SPDYC: variants seen among roughly 807,000 people sequenced by gnomAD.
SPDYC encodes the protein speedy protein C.
SPDYC carries 25 observed loss-of-function variants against 33.9 expected under a neutral mutation model. The ratio of observed to expected loss-of-function variants is 0.74; its 90% CI spans 0.54 to 1.03. The LOEUF is 1.03. SPDYC is among the 50% of genes least tolerant of loss of function. The pLI is 0.00. For synonymous variants in SPDYC, 133 were observed against 140.2 expected (o/e 0.95, Z 0.36); for missense variants, 349 against 382.9 (o/e 0.91, Z 0.74).
At chr11:65,171,868 T>C (rs1948438610) in intron 2 of SPDYC, 75 bp from the exon 3 acceptor site, 2 of 1,374,238 alleles carry the variant, frequency 1.5e-6, no homozygotes, top group Non-Finnish European at 2.1e-6. Flanking sequence ...GGCTTGGGCT[T>C]TGGAGCTTCT....
intron 1 of SPDYC, 58 bp from the exon 2 acceptor site, chr11:65,171,269 C>G (rs558909415): frequency 6.4e-7 from 1 of 1,553,394 alleles, no homozygotes; most frequent in Non-Finnish European, 8.7e-7. Context: ...TCACCACCCT[C>G]TTGATTTGTG....
exon 6 of SPDYC, chr11:65,172,949 G>A (rs774179521): frequency 6.2e-7 from 1 of 1,614,164 alleles, no homozygotes; most frequent in East Asian, 2.2e-5. Context: ...AACGCCTGGG[G>A]TGGGGACTTT....
At chr11:65,170,243 G>C (rs1948416701) in exon 1 of SPDYC, 2 of 1,579,108 alleles carry the variant, frequency 1.3e-6, no homozygotes, top group South Asian at 2.3e-5. Flanking sequence ...GTTATGCTCT[G>C]GGCCATTCCT....
exon 1 of SPDYC, chr11:65,170,254 G>C: frequency 1.9e-6 from 3 of 1,578,516 alleles, no homozygotes; most frequent in Non-Finnish European, 2.6e-6. Context: ...GGCCATTCCT[G>C]AGCTCGGGTA....
chr11:65,173,219 G>T, exon 7 of SPDYC: 1 of 1,613,884 alleles, frequency 6.2e-7, no homozygotes, highest in Non-Finnish European at 8.5e-7. Context: ...GGGCACTGAA[G>T]CTCTGCAGGG....
At chr11:65,171,853 G>C in intron 2 of SPDYC, 90 bp from the exon 3 acceptor site, 1 of 1,118,472 alleles carries the variant, frequency 8.9e-7, no homozygotes, top group Non-Finnish European at 1.4e-6. Context: ...AGAGGGTTCA[G>C]TGGTGGCTTG....
chr11:65,171,474 G>A (rs1590840174), exon 2 of SPDYC: 1 of 1,586,640 alleles, frequency 6.3e-7, no homozygotes, highest in Non-Finnish European at 8.6e-7. Context: ...AGCACCAGGA[G>A]GTCCAGGCCT....
chr11:65,171,239 C>T (rs1948427957), intron 1 of SPDYC, 88 bp from the exon 2 acceptor site: 2 of 1,433,978 alleles, frequency 1.4e-6, no homozygotes, highest in East Asian at 2.6e-5. Context: ...GCACCCACCC[C>T]TCCACCGTCC....
Position 65,172,231 on chromosome 11 carries a change from G to A in SPDYC, c.259-15G>A, listed in dbSNP as rs201634151. ...CAGAGAATAACTAACCCCCCACCCC[G>A]ATCTGTCTCTGCAGTATCTCCTGGC... On this transcript the variant is annotated splice_polypyrimidine_tract_variant and intron_variant, in intron 3 of 6. Transcript: ENST00000377185. The A allele has an allele frequency of 8.3e-5, 134 of 1,613,850 alleles. No individual in the cohort carries two copies. Among genetic ancestry groups the A allele is most frequent in the Middle Eastern group, 6.6e-4 (4 of 6,084 alleles).
Position 65,172,643 on chromosome 11 carries a change from G to T in SPDYC, c.516+38G>T, listed in dbSNP as rs542017220. 1.5e-5 allele frequency: 23 copies of T among 1,560,324 alleles called. No homozygotes were observed. The Admixed American group carries it at 2.6e-4, about 18-fold the overall frequency. ...GGCAACCTGGGGTGTGGGGAAGGCT[G>T]GGGTTCCCACCCCATTTACTGTCCA... is the stretch of plus-strand genomic sequence containing the variant. On this transcript the variant is annotated intron_variant, in intron 5 of 6. Coordinates refer to ENST00000377185, the Ensembl canonical transcript of SPDYC.
At chr11:65,172,732 C>T (rs1354989145) in exon 6 of SPDYC, 5 of 1,612,900 alleles carry the variant, frequency 3.1e-6, no homozygotes, top group Non-Finnish European at 4.2e-6. Flanking sequence ...GGACCGGCGC[C>T]CCCACCATGG....
At chr11:65,173,334 G>A (rs1948462201), downstream of SPDYC, 2 of 1,233,248 alleles carry the variant, frequency 1.6e-6, no homozygotes, top group African/African-American at 1.5e-5. Context: ...TCTGGTGCCA[G>A]TCCCCTCTAA....
intron 3 of SPDYC, 110 bp downstream of exon 3, chr11:65,172,111 C>A: frequency 6.7e-7 from 1 of 1,484,536 alleles, no homozygotes; most frequent in Non-Finnish European, 9.4e-7. Flanking sequence ...ACCCCCTCAT[C>A]TTTGCACACC....
At chr11:65,170,366 G>A in intron 1 of SPDYC, 105 bp downstream of exon 1, 1 of 1,213,436 alleles carries the variant, frequency 8.2e-7, no homozygotes, top group African/African-American at 1.6e-5. Flanking sequence ...CGGCCCCGTG[G>A]TTGGCTTCTC....
At chr11:65,173,161 C>G in intron 6 of SPDYC, 22 bp from the exon 7 acceptor site, 4 of 1,613,322 alleles carry the variant, frequency 2.5e-6, no homozygotes, top group South Asian at 1.1e-5. Flanking sequence ...CTTCTCTGAG[C>G]CTCACTCTTT....
Position 65,171,320 on chromosome 11 carries a change from T to C in SPDYC, c.27-7T>C, listed in dbSNP as rs375874907. 1.2e-6 allele frequency: 2 copies of C among 1,605,562 alleles called. No homozygotes were observed. Among genetic ancestry groups the C allele is most frequent in the Admixed American group, 1.7e-5 (1 of 58,806 alleles). On this transcript the variant is annotated splice_region_variant and splice_polypyrimidine_tract_variant and intron_variant, in intron 1 of 6. Transcript: ENST00000377185. ...CATGCTAAGTCCTGAGCCTCCTTTC[T>C]CTACAGGTCACCCTGCCCCATCTCC... is the stretch of plus-strand genomic sequence containing the variant.
Position 65,172,221 on chromosome 11 carries a change from C to T in SPDYC, c.259-25C>T, listed in dbSNP as rs762575807. On this transcript the variant is annotated intron_variant, in intron 3 of 6. Coordinates refer to ENST00000377185, the Ensembl canonical transcript of SPDYC. ...CCCTCCTCCTCAGAGAATAACTAAC[C>T]CCCCACCCCGATCTGTCTCTGCAGT... is the stretch of plus-strand genomic sequence containing the variant. 51 of 1,613,568 alleles carry T rather than the reference C, an allele frequency of 3.2e-5. No homozygotes were observed. The Middle Eastern group carries it at 4.9e-4, about 16-fold the overall frequency.
At chr11:65,170,607 T>A (rs1948420635) in intron 1 of SPDYC, among the ~76,000 whole-genome samples, 2 of 151,656 alleles carry the variant, frequency 1.3e-5, no homozygotes, top group South Asian at 4.2e-4. Context: ...TTTTTTTTCT[T>A]TTTTTTTGGC....
chr11:65,171,800 A>AAG (rs1283151509), intron 2 of SPDYC, 143 bp from the exon 3 acceptor site: 1 of 758,150 alleles, frequency 1.3e-6, no homozygotes, highest in Non-Finnish European at 2.2e-6. Context: ...TATATTAAGA[A>AAG]AGAGAGAGAG....
Sources: allele counts gnomAD v4.1 joint callset (sites outside exome capture counted in the v4.1 genomes callset), GRCh38; gene constraint gnomAD v4.1.1; transcripts MANE v1.5; gene names NCBI Gene and HGNC (gene_info 2026-07-23, HGNC 2026-07-21).